Variants in SMAP1 observed in about 807,000 individuals in gnomAD.
The protein encoded by SMAP1 is stromal membrane-associated protein 1.
Under a neutral mutation model 58.5 loss-of-function variants are expected in SMAP1, and 24 were observed. The observed-to-expected ratio is 0.41, with a 90% CI of 0.30 to 0.58. SMAP1 has a LOEUF of 0.58. Ranked by LOEUF, SMAP1 falls within the 20% of genes least tolerant of loss-of-function variation. SMAP1 has a pLI of 0.29. For synonymous variants in SMAP1, 216 were observed against 196.6 expected (o/e 1.10, Z -0.82); for missense variants, 563 against 566.3 (o/e 0.99, Z 0.06).
chr6:70,804,544 G>T (rs191475699), intron 6 of SMAP1, among the ~76,000 whole-genome samples: 1 of 152,228 alleles, frequency 6.6e-6, no homozygotes, highest in East Asian at 1.9e-4. Flanking sequence ...TCATTATGAT[G>T]TTCGCTGGTT....
intron 6 of SMAP1, among the ~76,000 whole-genome samples, chr6:70,809,682 CAATA>C (rs1769302268): frequency 6.6e-6 from 1 of 152,062 alleles, no homozygotes. Context: ...AAGATATTTT[CAATA>C]AATAATACTT....
intron 4 of SMAP1, among the ~76,000 whole-genome samples, chr6:70,790,827 A>G (rs934675212): frequency 6.6e-6 from 1 of 152,220 alleles, no homozygotes; most frequent in African/African-American, 2.4e-5. Flanking sequence ...ATGATAGGGC[A>G]GTATAGAGAT....
intron 6 of SMAP1, among the ~76,000 whole-genome samples, chr6:70,826,076 A>G (rs933371625): frequency 2.0e-5 from 3 of 152,186 alleles, no homozygotes; most frequent in Non-Finnish European, 4.4e-5. Context: ...AGCAGCTACC[A>G]TTTATGAAGC....
intron 4 of SMAP1, among the ~76,000 whole-genome samples, chr6:70,786,963 T>G (rs937365786): frequency 6.6e-6 from 1 of 152,108 alleles, no homozygotes; most frequent in Admixed American, 6.5e-5. Context: ...AAAGTTCATA[T>G]GGAACCAAAA....
rs189669486 is a variant in SMAP1 at position 70,791,094 on chromosome 6, C to T, written c.415-595C>T. 2.6e-5 allele frequency among the ~76,000 whole-genome samples: 4 copies of T among 152,306 alleles called. No homozygotes were observed. The East Asian group carries it at 5.8e-4, about 22-fold the overall frequency. On this transcript the variant is annotated intron_variant, in intron 4 of 10. Coordinates refer to ENST00000370455, the MANE Select transcript of SMAP1 (RefSeq NM_001044305.3). ...TAGCACTGGAAATGGTGTTTGTCTG[C>T]TGATCTTAATGAAGCATATAAATTG... is the stretch of plus-strand genomic sequence containing the variant.
intron 1 of SMAP1, among the ~76,000 whole-genome samples, chr6:70,703,240 C>T (rs1767708242): frequency 6.6e-6 from 1 of 152,012 alleles, no homozygotes; most frequent in African/African-American, 2.4e-5. Flanking sequence ...CCATGCTCAA[C>T]TAATTTTTGT....
rs146249696 is a variant in SMAP1 at position 70,740,207 on chromosome 6, A to G, written c.252+7696A>G. Among the ~76,000 whole-genome samples the G allele has an allele frequency of 1.9e-3, 285 of 152,226 alleles. 1 individual carries two copies. The highest frequency in any genetic ancestry group is 6.6e-3 in the African/African-American group (274 of 41,544). ...TTACTTTTAGGAGGAAGTCCTATTC[A>G]AGATAGCTTTTTTAACTTCACATAC... On this transcript the variant is annotated intron_variant, in intron 2 of 10. Coordinates refer to ENST00000370455, the MANE Select transcript of SMAP1 (RefSeq NM_001044305.3).
intron 2 of SMAP1, among the ~76,000 whole-genome samples, chr6:70,733,659 C>T (rs117240924): frequency 0.023 from 3,569 of 152,196 alleles, 51 homozygotes; most frequent in Non-Finnish European, 0.037. Context: ...TATAGGCATG[C>T]ACCACCATGC....
chr6:70,819,211 G>A (rs1054238080), intron 6 of SMAP1, among the ~76,000 whole-genome samples: 3 of 150,782 alleles, frequency 2.0e-5, no homozygotes, highest in African/African-American at 7.3e-5. Flanking sequence ...TTCTTTTCTT[G>A]CAATTTTTTT....
intron 1 of SMAP1, among the ~76,000 whole-genome samples, chr6:70,668,358 G>A (rs995680440): frequency 2.0e-5 from 3 of 152,186 alleles, no homozygotes; most frequent in Non-Finnish European, 4.4e-5. Context: ...GGCCCTGTCA[G>A]TGGCCCCAGC....
At chr6:70,769,737 A>G (rs903331967) in intron 3 of SMAP1, among the ~76,000 whole-genome samples, 9 of 152,148 alleles carry the variant, frequency 5.9e-5, no homozygotes, top group African/African-American at 2.2e-4. Flanking sequence ...TAATTGGAGC[A>G]TTTAGCCCAT....
intron 4 of SMAP1, among the ~76,000 whole-genome samples, chr6:70,786,560 G>A (rs1370789915): frequency 1.1e-4 from 16 of 150,946 alleles, no homozygotes; most frequent in Non-Finnish European, 1.8e-4. Flanking sequence ...AAACCCCATC[G>A]TCTCAGCCCA....
chr6:70,859,211 A>C, intron 10 of SMAP1: 2 of 624,064 alleles, frequency 3.2e-6, no homozygotes, highest in Non-Finnish European at 5.5e-6. Flanking sequence ...CCCGCTGGGA[A>C]TCTAAAAAAT....
intron 1 of SMAP1, among the ~76,000 whole-genome samples, chr6:70,707,977 CCTA>C (rs1363803164): frequency 6.6e-6 from 1 of 152,130 alleles, no homozygotes; most frequent in East Asian, 1.9e-4. Flanking sequence ...GTACCTAAAA[CCTA>C]CTCTTTCAGC....
intron 3 of SMAP1, among the ~76,000 whole-genome samples, chr6:70,757,874 G>A (rs1766568512): frequency 6.6e-6 from 1 of 151,508 alleles, no homozygotes; most frequent in Non-Finnish European, 1.5e-5. Context: ...GAAACAACAG[G>A]TGCTGGAGAG....
At chr6:70,769,232 T>C (rs975845870) in intron 3 of SMAP1, among the ~76,000 whole-genome samples, 1 of 152,206 alleles carries the variant, frequency 6.6e-6, no homozygotes, top group African/African-American at 2.4e-5. Flanking sequence ...ATTCTGTTGA[T>C]CTGGGGTGGA....
chr6:70,797,574 T>C (rs1768655362), intron 5 of SMAP1, among the ~76,000 whole-genome samples: 2 of 152,136 alleles, frequency 1.3e-5, no homozygotes, highest in African/African-American at 4.8e-5. Flanking sequence ...TTTTGAACTT[T>C]ATATGAATGG....
chr6:70,843,165 T>G (rs1018686452), intron 7 of SMAP1, among the ~76,000 whole-genome samples: 2 of 135,414 alleles, frequency 1.5e-5, no homozygotes, highest in Non-Finnish European at 3.2e-5. Context: ...CCCCCCCCCC[T>G]TTTTAAAATT....
intron 3 of SMAP1, among the ~76,000 whole-genome samples, chr6:70,770,481 C>T (rs183856718): frequency 1.8e-4 from 27 of 152,314 alleles, no homozygotes; most frequent in Admixed American, 1.2e-3. Context: ...CTTCCCTTCT[C>T]GCTTCATTTC....
Sources: gnomAD v4.1 joint callset for allele counts (sites outside exome capture counted in the v4.1 genomes callset) on GRCh38, gnomAD v4.1.1 for gene constraint, MANE v1.5 for transcripts, NCBI Gene and HGNC (gene_info 2026-07-23, HGNC 2026-07-21) for gene names.